EPHA6: variants seen among roughly 807,000 people sequenced by gnomAD.
EPHA6 encodes ephrin type-A receptor 6.
EPHA6 carries 50 observed loss-of-function variants against 112.0 expected under a neutral mutation model. The observed-to-expected ratio is 0.45, with a 90% CI of 0.36 to 0.56. EPHA6 has a LOEUF of 0.56. Ranked by LOEUF, EPHA6 falls within the 20% of genes least tolerant of loss-of-function variation. EPHA6 has a pLI of 0.00. For synonymous variants in EPHA6, 529 were observed against 490.7 expected (o/e 1.08, Z -1.03); for missense variants, 1,280 against 1,417.4 (o/e 0.90, Z 1.56).
At chr3:97,539,103 C>CCTTCCTTCCTTCCTTT (rs1227480052) in intron 11 of EPHA6, among the ~76,000 whole-genome samples, 12 of 83,874 alleles carry the variant, frequency 1.4e-4, no homozygotes, top group African/African-American at 6.6e-4. Flanking sequence ...TTCCTTCCTT[C>CCTTCCTTCCTTCCTTT]CTTTCTTTCT....
chr3:97,153,912 T>C (rs997745575), intron 3 of EPHA6, among the ~76,000 whole-genome samples: 1 of 152,094 alleles, frequency 6.6e-6, no homozygotes, highest in African/African-American at 2.4e-5. Flanking sequence ...GCTCCTATAA[T>C]CCCAGCACTT....
chr3:97,431,140 A>G, intron 6 of EPHA6, among the ~76,000 whole-genome samples: 1 of 151,996 alleles, frequency 6.6e-6, no homozygotes, highest in Non-Finnish European at 1.5e-5. Flanking sequence ...ACTATGTGAG[A>G]TTGTTTCTAT....
intron 5 of EPHA6, among the ~76,000 whole-genome samples, chr3:97,388,763 A>G (rs1366729282): frequency 6.6e-6 from 1 of 152,160 alleles, no homozygotes; most frequent in Non-Finnish European, 1.5e-5. Flanking sequence ...CTCATCACAG[A>G]TATATTCTGG....
chr3:97,174,849 T>A (rs2076792593), intron 3 of EPHA6, among the ~76,000 whole-genome samples: 2 of 152,090 alleles, frequency 1.3e-5, no homozygotes, highest in East Asian at 3.9e-4. Context: ...CAGTGGGTTG[T>A]CTATTCACTT....
In EPHA6 at chr3:97,411,753, C is replaced by G. The variant is rs570231610; in HGVS notation, c.1731+6479C>G. 5.3e-5 allele frequency among the ~76,000 whole-genome samples: 8 copies of G among 152,026 alleles called. No individual in the cohort carries two copies. In the East Asian group the frequency reaches 1.5e-3, roughly 29 times the overall value. On this transcript the variant is annotated intron_variant, in intron 6 of 17. Coordinates refer to ENST00000389672, the MANE Select transcript of EPHA6 (RefSeq NM_001080448.3). ...ATGTGAGTTTTACATAGGCCAGGAG[C>G]CTTCAGATATAAAGACCCAAAGAAA...
intron 14 of EPHA6, among the ~76,000 whole-genome samples, chr3:97,690,028 A>G (rs976318927): frequency 6.6e-6 from 1 of 152,232 alleles, no homozygotes; most frequent in Non-Finnish European, 1.5e-5. Context: ...TTATTCATTC[A>G]TCAGTGATGA....
chr3:97,541,928 TAGA>T (rs1307102276), intron 11 of EPHA6, among the ~76,000 whole-genome samples: 2 of 151,834 alleles, frequency 1.3e-5, no homozygotes, highest in East Asian at 3.9e-4. Context: ...CTCACATGAT[TAGA>T]AGGTCCCACA....
At position 97,293,961 on chromosome 3, in the gene EPHA6, C is replaced by T. The variant is rs567960813; in HGVS notation, c.1606+49674C>T. 1.2e-4 allele frequency among the ~76,000 whole-genome samples: 18 copies of T among 152,342 alleles called. No homozygotes were observed. In the East Asian group the frequency reaches 1.4e-3, roughly 11 times the overall value. Reference sequence around the variant, plus strand: ...CGAGGTGGCATGGGGCTGACTCAAGCGTGCAAACCACCCCAGCTGGGGCAC... The same window carrying T: ...CGAGGTGGCATGGGGCTGACTCAAGTGTGCAAACCACCCCAGCTGGGGCAC... On this transcript the variant is annotated intron_variant, in intron 5 of 17. Coordinates refer to ENST00000389672, the MANE Select transcript of EPHA6 (RefSeq NM_001080448.3).
intron 4 of EPHA6, among the ~76,000 whole-genome samples, chr3:97,230,009 T>C (rs1238738255): frequency 2.0e-5 from 3 of 152,128 alleles, no homozygotes; most frequent in Non-Finnish European, 4.4e-5. Flanking sequence ...GCAATCTTTC[T>C]TGCATGGTTA....
chr3:97,296,349 G>A (rs1055926364), intron 5 of EPHA6, among the ~76,000 whole-genome samples: 5 of 152,168 alleles, frequency 3.3e-5, no homozygotes, highest in Non-Finnish European at 5.9e-5. Context: ...TCAGGAACTG[G>A]GATGGGGGCA....
At chr3:96,827,707 G>A (rs2033756954) in intron 1 of EPHA6, among the ~76,000 whole-genome samples, 1 of 152,060 alleles carries the variant, frequency 6.6e-6, no homozygotes, top group Non-Finnish European at 1.5e-5. Flanking sequence ...TATAAAATGG[G>A]AGAATTGGAA....
intron 2 of EPHA6, among the ~76,000 whole-genome samples, chr3:96,942,042 G>T (rs2040983687): frequency 6.6e-6 from 1 of 152,204 alleles, no homozygotes; most frequent in Non-Finnish European, 1.5e-5. Context: ...GTGCCTCCCA[G>T]TCAGGCTGCT....
At chr3:97,175,279 A>T (rs920444831) in intron 3 of EPHA6, among the ~76,000 whole-genome samples, 1 of 151,916 alleles carries the variant, frequency 6.6e-6, no homozygotes, top group Non-Finnish European at 1.5e-5. Context: ...TGCCAGTACC[A>T]TGCTGTTTTG....
chr3:97,403,379 T>C (rs2087116627), intron 5 of EPHA6, among the ~76,000 whole-genome samples: 1 of 152,188 alleles, frequency 6.6e-6, no homozygotes, highest in African/African-American at 2.4e-5. Flanking sequence ...TTGGAGGCTA[T>C]GTCTCCAATT....
At chr3:97,685,774 C>T (rs986052626) in intron 14 of EPHA6, among the ~76,000 whole-genome samples, 4 of 152,114 alleles carry the variant, frequency 2.6e-5, no homozygotes, top group Admixed American at 6.6e-5. Context: ...AAACGGCGAA[C>T]GATGATTACT....
At chr3:97,581,707 C>G (rs959110980) in intron 11 of EPHA6, among the ~76,000 whole-genome samples, 6 of 152,210 alleles carry the variant, frequency 3.9e-5, no homozygotes, top group African/African-American at 1.2e-4. Flanking sequence ...TAAGGTCATG[C>G]AGCAAGCTAT....
At chr3:97,140,786 C>A (rs1183881653) in intron 3 of EPHA6, among the ~76,000 whole-genome samples, 2 of 152,122 alleles carry the variant, frequency 1.3e-5, no homozygotes, top group African/African-American at 4.8e-5. Context: ...TACAAAGCAA[C>A]TAGGTAACAA....
intron 14 of EPHA6, among the ~76,000 whole-genome samples, chr3:97,659,988 T>G (rs1218632632): frequency 6.6e-6 from 1 of 152,052 alleles, no homozygotes; most frequent in East Asian, 1.9e-4. Flanking sequence ...TATTCGTAGA[T>G]GGGTATTGTT....
chr3:97,592,576 A>C (rs769090960), intron 11 of EPHA6, 36 bp from the exon 12 acceptor site: 1 of 1,610,906 alleles, frequency 6.2e-7, no homozygotes, highest in Non-Finnish European at 8.5e-7. Flanking sequence ...TCCATAAAGA[A>C]GACTTTGATT....
Sources: allele counts gnomAD v4.1 joint callset (sites outside exome capture counted in the v4.1 genomes callset), GRCh38; gene constraint gnomAD v4.1.1; transcripts MANE v1.5; gene names NCBI Gene and HGNC (gene_info 2026-07-23, HGNC 2026-07-21).